FRMD4A: variants seen among roughly 807,000 people sequenced by gnomAD.
FRMD4A encodes the protein FERM domain containing 4A.
Under a neutral mutation model 129.1 loss-of-function variants are expected in FRMD4A, and 29 were observed. The ratio of observed to expected loss-of-function variants is 0.22; its 90% confidence interval spans 0.17 to 0.31. The LOEUF is 0.31. Ranked by LOEUF, FRMD4A falls within the 10% of genes least tolerant of loss-of-function variation. The pLI is 1.00. For synonymous variants in FRMD4A, 634 were observed against 571.6 expected, an observed-to-expected ratio of 1.11 and a Z score of -1.56; for missense variants, 1,272 against 1,375.8, an observed-to-expected ratio of 0.92 and a Z score of 1.19.
intron 2 of FRMD4A, among the ~76,000 whole-genome samples, chr10:14,165,177 CAAAT>C (rs1841109240): frequency 6.6e-6 from 1 of 152,044 alleles, no homozygotes; most frequent in South Asian, 2.1e-4. Flanking sequence ...AAAACAAAAA[CAAAT>C]AACCTCATTA....
At chr10:13,808,932 A>G (rs2093401567) in intron 4 of FRMD4A, among the ~76,000 whole-genome samples, 1 of 152,194 alleles carries the variant, frequency 6.6e-6, no homozygotes, top group South Asian at 2.1e-4. Flanking sequence ...CAGCTCCACT[A>G]CTAGAGGGGG....
At chr10:14,102,885 G>A (rs1376534194) in intron 2 of FRMD4A, among the ~76,000 whole-genome samples, 3 of 152,110 alleles carry the variant, frequency 2.0e-5, no homozygotes, top group Non-Finnish European at 4.4e-5. Flanking sequence ...ATGATAGGCA[G>A]GAAATATGAA....
chr10:13,951,357 A>C (rs2095369273), intron 2 of FRMD4A, among the ~76,000 whole-genome samples: 1 of 152,170 alleles, frequency 6.6e-6, no homozygotes, highest in Non-Finnish European at 1.5e-5. Context: ...GGATCGTAGC[A>C]GGCTTGAGAG....
chr10:14,038,616 C>T (rs1244630573), intron 2 of FRMD4A, among the ~76,000 whole-genome samples: 2 of 152,182 alleles, frequency 1.3e-5, no homozygotes, highest in Non-Finnish European at 2.9e-5. Flanking sequence ...TAACATTTGT[C>T]AGCTACTCAC....
intron 2 of FRMD4A, among the ~76,000 whole-genome samples, chr10:14,320,543 G>A (rs553061960): frequency 1.3e-5 from 2 of 152,162 alleles, no homozygotes; most frequent in African/African-American, 2.4e-5. Flanking sequence ...GTGGACTAGC[G>A]TTCTAGATCT....
At chr10:13,841,909 C>T (rs907017810) in intron 3 of FRMD4A, among the ~76,000 whole-genome samples, 1 of 152,172 alleles carries the variant, frequency 6.6e-6, no homozygotes, top group Non-Finnish European at 1.5e-5. Flanking sequence ...AAACTGAGAG[C>T]TATCTTGTTG....
At chr10:14,186,132 G>T (rs1262050322) in intron 2 of FRMD4A, among the ~76,000 whole-genome samples, 1 of 148,378 alleles carries the variant, frequency 6.7e-6, no homozygotes, top group Admixed American at 6.7e-5. Flanking sequence ...TTACAAAATC[G>T]CAGATAAAAA....
intron 6 of FRMD4A, among the ~76,000 whole-genome samples, chr10:13,778,607 GTGTGTGTGTGTGTGTT>G (rs745534489): frequency 5.2e-4 from 76 of 146,842 alleles, no homozygotes; most frequent in East Asian, 8.2e-4. Flanking sequence ...ACGTGTGTGT[GTGTGTGTGTGTGTGTT>G]TGTGTGTGTG....
chr10:14,138,429 A>C (rs1346358479), intron 2 of FRMD4A, among the ~76,000 whole-genome samples: 9 of 152,230 alleles, frequency 5.9e-5, no homozygotes, highest in Admixed American at 5.9e-4. Context: ...CTGCTTTACT[A>C]ACTTCCTAAC....
At chr10:14,195,510 C>T (rs1440408013) in intron 2 of FRMD4A, among the ~76,000 whole-genome samples, 2 of 152,014 alleles carry the variant, frequency 1.3e-5, no homozygotes, top group East Asian at 1.9e-4. Flanking sequence ...ACTACCTGTA[C>T]AAATTATTTC....
chr10:13,966,146 A>C (rs375441158), intron 2 of FRMD4A, among the ~76,000 whole-genome samples: 1 of 152,104 alleles, frequency 6.6e-6, no homozygotes, highest in East Asian at 1.9e-4. Context: ...CAGCCTCCTC[A>C]GTAGCTGGGA....
At chr10:13,868,816 AC>A (rs2094405579) in intron 2 of FRMD4A, among the ~76,000 whole-genome samples, 1 of 151,956 alleles carries the variant, frequency 6.6e-6, no homozygotes, top group South Asian at 2.1e-4. Context: ...AAAAAACAAA[AC>A]ACATGCAGGT....
At chr10:14,155,977 A>T (rs1368780590) in intron 2 of FRMD4A, among the ~76,000 whole-genome samples, 1 of 152,220 alleles carries the variant, frequency 6.6e-6, no homozygotes, top group East Asian at 1.9e-4. Context: ...TTTGGAGAGC[A>T]ATATAGTAAA....
chr10:13,691,909 G>A (rs2085732798), intron 15 of FRMD4A, among the ~76,000 whole-genome samples: 1 of 152,184 alleles, frequency 6.6e-6, no homozygotes, highest in South Asian at 2.1e-4. Flanking sequence ...TGTAATTCGA[G>A]GTAGGGGTCT....
At chr10:13,808,515 C>T (rs1490711558) in intron 4 of FRMD4A, among the ~76,000 whole-genome samples, 1 of 152,214 alleles carries the variant, frequency 6.6e-6, no homozygotes, top group Non-Finnish European at 1.5e-5. Context: ...AGCTTTTGTT[C>T]TTCTTTCCTA....
At chr10:14,089,975 C>T (rs1247133022) in intron 2 of FRMD4A, among the ~76,000 whole-genome samples, 1 of 152,182 alleles carries the variant, frequency 6.6e-6, no homozygotes, top group Non-Finnish European at 1.5e-5. Context: ...AGAGCAGGGC[C>T]GATATTCTCT....
chr10:13,876,590 G>T (rs2094491053), intron 2 of FRMD4A, among the ~76,000 whole-genome samples: 1 of 152,088 alleles, frequency 6.6e-6, no homozygotes, highest in South Asian at 2.1e-4. Flanking sequence ...TTGTTTCAGT[G>T]TCCAGTTTAA....
intron 19 of FRMD4A, 94 bp downstream of exon 19, chr10:13,663,359 T>C: frequency 1.3e-6 from 1 of 758,046 alleles, no homozygotes; most frequent in Non-Finnish European, 2.4e-6. Flanking sequence ...GGCCTGGCTC[T>C]TGCCTTTACA....
At chr10:13,647,647 C>T in intron 24 of FRMD4A, 1 of 150,996 alleles carries the variant, frequency 6.6e-6, no homozygotes, top group East Asian at 1.9e-4. Flanking sequence ...GATGACTTTG[C>T]TTTATTCTAA....
Sources: gnomAD v4.1 joint callset for allele counts (sites outside exome capture counted in the v4.1 genomes callset) on GRCh38, gnomAD v4.1.1 for gene constraint, MANE v1.5 for transcripts, NCBI Gene and HGNC (gene_info 2026-07-23, HGNC 2026-07-21) for gene names.